ENTPD1: variants seen among roughly 807,000 people sequenced by gnomAD.
ENTPD1 encodes the protein ectonucleoside triphosphate diphosphohydrolase 1.
In ENTPD1, 33 loss-of-function variants were observed where a neutral mutation model predicts 57.0. That is an observed-to-expected ratio of 0.58 (90% CI 0.44 to 0.77). ENTPD1 has a LOEUF of 0.77. Ranked by LOEUF, ENTPD1 falls within the 30% of genes least tolerant of loss-of-function variation. The probability of loss-of-function intolerance (pLI) is 0.00; values close to 1 mark genes in which losing one functional copy is unlikely to be tolerated. For missense variants in ENTPD1, 501 were observed against 603.4 expected (o/e 0.83, Z 1.78); for synonymous variants, 202 against 218.8 (o/e 0.92, Z 0.68).
At chr10:95,782,376 C>T (rs1396842641) in intron 1 of ENTPD1, among the ~76,000 whole-genome samples, 1 of 152,098 alleles carries the variant, frequency 6.6e-6, no homozygotes, top group Non-Finnish European at 1.5e-5. Flanking sequence ...TGAAGTGAGA[C>T]ATTGTCAAAC....
intron 1 of ENTPD1, among the ~76,000 whole-genome samples, chr10:95,721,680 C>A (rs1432613331): frequency 1.7e-5 from 2 of 119,476 alleles, no homozygotes; most frequent in East Asian, 3.4e-4. Context: ...GGTAATGTTT[C>A]CTATCTGAAA....
chr10:95,797,862 G>C (rs768946062), intron 1 of ENTPD1, among the ~76,000 whole-genome samples: 20 of 152,176 alleles, frequency 1.3e-4, no homozygotes, highest in African/African-American at 4.8e-4. Flanking sequence ...AAAACATCCA[G>C]ACTGTGCATC....
At chr10:95,796,723 G>A (rs11816167) in intron 1 of ENTPD1, among the ~76,000 whole-genome samples, 67 of 152,130 alleles carry the variant, frequency 4.4e-4, no homozygotes, top group African/African-American at 1.5e-3. Context: ...TGTTGGAAGG[G>A]GAAGTACCTA....
At chr10:95,861,164 CA>C (rs2098464624) in intron 8 of ENTPD1, 1 of 155,232 alleles carries the variant, frequency 6.4e-6, no homozygotes, top group South Asian at 2.0e-4. Flanking sequence ...CTTCAGTCCC[CA>C]AATCAGAGTT....
the ENTPD1 span, among the ~76,000 whole-genome samples, chr10:95,698,070 A>G: frequency 6.6e-6 from 1 of 152,334 alleles, no homozygotes; most frequent in South Asian, 2.1e-4. Context: ...AATGATTGTA[A>G]CCAGAATACG....
intron 2 of ENTPD1, among the ~76,000 whole-genome samples, chr10:95,834,132 G>A (rs752628041): frequency 2.0e-5 from 3 of 152,088 alleles, no homozygotes; most frequent in African/African-American, 7.2e-5. Flanking sequence ...AAGGAATTTA[G>A]GAACCATCCA....
At chr10:95,755,949 T>C (rs552284737), upstream of ENTPD1, 3 of 1,471,968 alleles carry the variant, frequency 2.0e-6, no homozygotes, top group African/African-American at 4.3e-5. Context: ...GAGATTTGAA[T>C]ATACATTGCT....
At chr10:95,861,493 A>C (rs1809351647) in intron 8 of ENTPD1, 1 of 152,238 alleles carries the variant, frequency 6.6e-6, no homozygotes, top group Admixed American at 6.5e-5. Flanking sequence ...CTTATCCCTG[A>C]CTGCACTGAC....
rs1401479550 is a variant in ENTPD1 at position 95,772,026 on chromosome 10, A to G, written c.16+15771A>G. ...CAGTGCATATAAAAGTTATGTTTAC[A>G]CTATACTGTATCTATTAAGTGTACA... On this transcript the variant is annotated intron_variant, in intron 1 of 9. Transcript: ENST00000371205. 2.0e-5 allele frequency among the ~76,000 whole-genome samples: 3 copies of G among 152,244 alleles called. No homozygotes were observed. In the East Asian group the frequency reaches 5.8e-4, roughly 29 times the overall value.
At position 95,758,002 on chromosome 10, in the gene ENTPD1, C is replaced by CAAAAAAAAAAAAAAAAAAAAAAAAA. The variant is rs57407553; in HGVS notation, c.16+1751_16+1775dup. ...CCTGGGCGAGAGTGAGACACTGTCT[C>CAAAAAAAAAAAAAAAAAAAAAAAAA]AAAAAAAAAAAAAAAAAAAAAAAAA... On this transcript the variant is annotated intron_variant, in intron 1 of 9. Coordinates refer to ENST00000371205, the MANE Select transcript of ENTPD1 (RefSeq NM_001776.6). 5.3e-4 allele frequency among the ~76,000 whole-genome samples: 14 copies of CAAAAAAAAAAAAAAAAAAAAAAAAA among 26,412 alleles called. 2 individuals are homozygous for CAAAAAAAAAAAAAAAAAAAAAAAAA. The highest frequency in any genetic ancestry group is 1.7e-3 in the East Asian group (1 of 578). The allele number at this position is 26,412 out of a possible 152,430, so 17.3% of individuals were successfully genotyped here. A position where few individuals can be genotyped will look rare whatever the true frequency, so the allele number is the denominator to read the frequency against.
intron 1 of ENTPD1, among the ~76,000 whole-genome samples, chr10:95,728,995 C>T (rs2097986559): frequency 6.6e-6 from 1 of 152,078 alleles, no homozygotes; most frequent in Non-Finnish European, 1.5e-5. Context: ...TTTATGCATT[C>T]ATGACATACC....
Position 95,758,800 on chromosome 10 carries a change from C to T in ENTPD1, c.16+2545C>T, listed in dbSNP as rs541179655. ...ATAGCAGTCATAGAGGGCCAGAAGC[C>T]ACGCAGGAAGTGGACATATGCTGAG... On this transcript the variant is annotated intron_variant, in intron 1 of 9. Coordinates refer to ENST00000371205, the MANE Select transcript of ENTPD1 (RefSeq NM_001776.6). 8.0e-4 allele frequency among the ~76,000 whole-genome samples: 122 copies of T among 152,268 alleles called. 1 individual carries two copies. In the South Asian group the frequency reaches 0.012, roughly 16 times the overall value.
Position 95,860,517 on chromosome 10 carries a change from G to C in ENTPD1, c.1123G>C (p.Glu375Gln). ...GATGAAGTTTTTAAACTTGACATCA[G>C]AGAAAGTCTCTCAGGAAAAGGTGAC... ...FVMKFLNLTSEKVSQEKVTEM... is the reference protein window; with the variant it reads ...FVMKFLNLTSQKVSQEKVTEM... Residue 375 changes from glutamate (E) to glutamine (Q), a missense_variant, in exon 8 of 10, where the codon GAG (glutamate) becomes CAG (glutamine). Glu to Gln is a conservative substitution (Grantham distance 29). Transcript: ENST00000371205. 2 of 1,613,964 alleles carry C rather than the reference G, an allele frequency of 1.2e-6. No individual in the cohort carries two copies. Among genetic ancestry groups the C allele is most frequent in the Non-Finnish European group, 1.7e-6 (2 of 1,179,908 alleles).
chr10:95,768,055 C>T (rs2098097346), intron 1 of ENTPD1, among the ~76,000 whole-genome samples: 1 of 152,220 alleles, frequency 6.6e-6, no homozygotes, highest in African/African-American at 2.4e-5. Context: ...GATGCTGGCC[C>T]CTTGATCTGG....
At chr10:95,860,399 G>C (rs949531034) in intron 7 of ENTPD1, 70 bp from the exon 8 acceptor site, 9 of 1,264,766 alleles carry the variant, frequency 7.1e-6, no homozygotes, top group South Asian at 1.3e-5. Flanking sequence ...CAAGGGATGC[G>C]GCCTTTAGGA....
At chr10:95,776,916 T>C (rs2098136297) in intron 1 of ENTPD1, among the ~76,000 whole-genome samples, 1 of 152,248 alleles carries the variant, frequency 6.6e-6, no homozygotes, top group South Asian at 2.1e-4. Context: ...TTCTTCCATT[T>C]GATCGAATTG....
rs1341018761 is a variant in ENTPD1, at chr10:95,872,726, C to T, written c.*6343C>T. 17 of 985,440 alleles carry T rather than the reference C, an allele frequency of 1.7e-5. No homozygotes were observed. The highest frequency in any genetic ancestry group is 1.2e-4 in the Admixed American group (2 of 16,288). The allele number at this position is 985,440 out of a possible 1,614,324, so 61.0% of individuals were successfully genotyped here. A position where few individuals can be genotyped will look rare whatever the true frequency, so the allele number is the denominator to read the frequency against. On this transcript the variant is annotated 3_prime_UTR_variant, in exon 10 of 10. Transcript: ENST00000371205. ...CCAACCTCCCTGTCCACTGCCAGGC[C>T]GACTACAAACCCTTCTGTTGCTGGC...
At chr10:95,799,376 A>G (rs575055016) in intron 1 of ENTPD1, among the ~76,000 whole-genome samples, 1 of 152,280 alleles carries the variant, frequency 6.6e-6, no homozygotes, top group Admixed American at 6.5e-5. Flanking sequence ...GCTCTCACTT[A>G]TAAGTGAGAA....
intron 1 of ENTPD1, among the ~76,000 whole-genome samples, chr10:95,733,663 T>C (rs1419823826): frequency 6.6e-6 from 1 of 152,242 alleles, no homozygotes; most frequent in Non-Finnish European, 1.5e-5. Context: ...CAGTCCCTCT[T>C]TTCCGGGTCC....
Sources: gnomAD v4.1 joint callset for allele counts (sites outside exome capture counted in the v4.1 genomes callset) on GRCh38, gnomAD v4.1.1 for gene constraint, MANE v1.5 for transcripts, NCBI Gene and HGNC (gene_info 2026-07-23, HGNC 2026-07-21) for gene names.